The following PTPRG variants were observed in gnomAD, a reference collection of about 807,000 sequenced individuals.
The protein encoded by PTPRG is receptor-type tyrosine-protein phosphatase gamma.
A neutral mutation model predicts 165.3 loss-of-function variants in PTPRG; 102 were observed. The ratio of observed to expected loss-of-function variants is 0.62; its 90% confidence interval spans 0.53 to 0.73. The LOEUF (loss-of-function observed/expected upper bound fraction) is 0.73, where lower values mean the gene tolerates loss of function less well. Ranked by LOEUF, PTPRG falls within the 30% of genes least tolerant of loss-of-function variation. The probability of loss-of-function intolerance (pLI) is 0.00; values close to 1 mark genes in which losing one functional copy is unlikely to be tolerated. For synonymous variants in PTPRG, 675 were observed against 669.5 expected, an observed-to-expected ratio of 1.01 and a Z score of -0.13; for missense variants, 1,866 against 1,861.4, an observed-to-expected ratio of 1.00 and a Z score of -0.05.
chr3:61,740,683 C>T (rs575134364), intron 1 of PTPRG, among the ~76,000 whole-genome samples: 8 of 151,910 alleles, frequency 5.3e-5, no homozygotes, highest in South Asian at 2.1e-4. Context: ...CTCTAGGATA[C>T]GACATTGCTG....
intron 20 of PTPRG, among the ~76,000 whole-genome samples, chr3:62,270,100 T>C (rs114621744): frequency 0.01 from 1,563 of 152,308 alleles, 21 homozygotes; most frequent in Middle Eastern, 0.02. Context: ...GAGGAAATAC[T>C]GTATTAAGAA....
chr3:61,755,717 A>G (rs909388311), intron 2 of PTPRG, among the ~76,000 whole-genome samples: 1 of 152,160 alleles, frequency 6.6e-6, no homozygotes, highest in African/African-American at 2.4e-5. Flanking sequence ...AGAGAACCAG[A>G]AGCAGCTCAG....
chr3:61,813,737 A>C (rs1210391209), intron 2 of PTPRG, among the ~76,000 whole-genome samples: 1 of 152,078 alleles, frequency 6.6e-6, no homozygotes, highest in Non-Finnish European at 1.5e-5. Flanking sequence ...TTATTCTAAC[A>C]AGCCTATGAT....
intron 6 of PTPRG, among the ~76,000 whole-genome samples, chr3:62,149,626 C>G (rs1162857823): frequency 6.6e-6 from 1 of 152,166 alleles, no homozygotes; most frequent in Non-Finnish European, 1.5e-5. Flanking sequence ...GATTCTCACC[C>G]TCAGCCTCTT....
chr3:62,206,896 G>C (rs999440525), intron 12 of PTPRG, among the ~76,000 whole-genome samples: 5 of 113,112 alleles, frequency 4.4e-5, no homozygotes, highest in African/African-American at 1.8e-4. Context: ...ACCACTGACA[G>C]AGCAAGACTC....
chr3:62,031,066 T>C (rs1699754213), intron 4 of PTPRG, among the ~76,000 whole-genome samples: 1 of 152,244 alleles, frequency 6.6e-6, no homozygotes, highest in African/African-American at 2.4e-5. Flanking sequence ...CTGGATTTTA[T>C]TGAAATGATT....
At chr3:61,769,301 C>G (rs1302796668) in intron 2 of PTPRG, 4 of 152,026 alleles carry the variant, frequency 2.6e-5, no homozygotes, top group Non-Finnish European at 4.4e-5. Context: ...TAGGGTTTTA[C>G]TCTGTCGCCC....
At chr3:61,813,052 A>T (rs2035635922) in intron 2 of PTPRG, among the ~76,000 whole-genome samples, 1 of 152,060 alleles carries the variant, frequency 6.6e-6, no homozygotes, top group Admixed American at 6.6e-5. Flanking sequence ...GTTGTTTGGG[A>T]AAGACTGTTG....
At chr3:61,829,523 C>T (rs80207080) in intron 2 of PTPRG, among the ~76,000 whole-genome samples, 7,109 of 152,274 alleles carry the variant, frequency 0.047, 367 homozygotes, top group East Asian at 0.23. Context: ...CCGAAGAAAG[C>T]CTTCATGGGT....
chr3:62,023,153 ATTATC>A (rs1214415812), intron 4 of PTPRG, among the ~76,000 whole-genome samples: 2 of 152,190 alleles, frequency 1.3e-5, no homozygotes, highest in African/African-American at 4.8e-5. Flanking sequence ...AACAATGCAT[ATTATC>A]TTATGAGTTA....
At chr3:61,903,210 C>T (rs1489209554) in intron 2 of PTPRG, among the ~76,000 whole-genome samples, 3 of 152,102 alleles carry the variant, frequency 2.0e-5, no homozygotes, top group Non-Finnish European at 4.4e-5. Context: ...GATTCCCCAG[C>T]GAATCCCATG....
intron 2 of PTPRG, among the ~76,000 whole-genome samples, chr3:61,864,081 A>G (rs932171512): frequency 2.6e-5 from 4 of 152,138 alleles, no homozygotes; most frequent in Non-Finnish European, 5.9e-5. Context: ...ACAGCTCTTC[A>G]CATTTGTACA....
intron 12 of PTPRG, among the ~76,000 whole-genome samples, chr3:62,212,245 T>G (rs569668585): frequency 1.8e-4 from 28 of 152,274 alleles, no homozygotes; most frequent in African/African-American, 6.5e-4. Flanking sequence ...GCACATTACA[T>G]CCACTGGGGG....
intron 2 of PTPRG, chr3:61,753,698 A>G (rs1423709548): frequency 3.4e-5 from 14 of 417,080 alleles, no homozygotes; most frequent in South Asian, 7.0e-5. Context: ...AGTTCAAGCA[A>G]TTCTCACGCT....
chr3:62,261,530 AAAGGGTAAGAACTGTCATT>A (rs1253054272), intron 16 of PTPRG, among the ~76,000 whole-genome samples: 6 of 152,138 alleles, frequency 3.9e-5, no homozygotes, highest in African/African-American at 1.4e-4. Context: ...AAGAGTAAGG[AAAGGGTAAGAACTGTCATT>A]AAACACACTT....
intron 2 of PTPRG, among the ~76,000 whole-genome samples, chr3:61,803,212 T>TA (rs1176012531): frequency 6.6e-6 from 1 of 152,182 alleles, no homozygotes; most frequent in Non-Finnish European, 1.5e-5. Flanking sequence ...GTGGTCATAC[T>TA]AAAAAAGTAA....
chr3:61,971,975 G>C (rs1202871006), intron 2 of PTPRG, among the ~76,000 whole-genome samples: 1 of 152,230 alleles, frequency 6.6e-6, no homozygotes, highest in Non-Finnish European at 1.5e-5. Flanking sequence ...TGGGCCCATC[G>C]CTGTCATTTT....
intron 2 of PTPRG, among the ~76,000 whole-genome samples, chr3:61,845,780 G>T (rs2036789371): frequency 1.3e-5 from 2 of 152,176 alleles, no homozygotes; most frequent in African/African-American, 4.8e-5. Flanking sequence ...ATATTAATAA[G>T]TTGTACGAAA....
rs367677044 is a variant in PTPRG, at chr3:61,665,469, T to C, written c.86-83409T>C. On this transcript the variant is annotated intron_variant, in intron 1 of 29. Transcript: ENST00000474889. ...GCTAAGATGGTGAATTGTAAATAAA[T>C]ACACACACACACACACACACACACA... Among the ~76,000 whole-genome samples the C allele has an allele frequency of 2.6e-3, 379 of 144,024 alleles. 6 individuals are homozygous for C. The highest frequency in any genetic ancestry group is 9.0e-3 in the African/African-American group (347 of 38,522). The allele number at this position is 144,024 out of a possible 152,430, so 94.5% of individuals were successfully genotyped here.
Sources: gnomAD v4.1 joint callset for allele counts (sites outside exome capture counted in the v4.1 genomes callset) on GRCh38, gnomAD v4.1.1 for gene constraint, MANE v1.5 for transcripts, NCBI Gene and HGNC (gene_info 2026-07-23, HGNC 2026-07-21) for gene names.